TMEM108: variants seen among roughly 807,000 people sequenced by gnomAD.
TMEM108 encodes the protein cancer/testis antigen 124.
A neutral mutation model predicts 35.1 loss-of-function variants in TMEM108; 12 were observed. The ratio of observed to expected loss-of-function variants is 0.34; its 90% CI spans 0.22 to 0.55. The LOEUF (loss-of-function observed/expected upper bound fraction) is 0.55. TMEM108 is among the 20% of genes least tolerant of loss of function. TMEM108 has a pLI of 0.89. For missense variants in TMEM108, 680 were observed against 753.3 expected (o/e 0.90, Z 1.14); for synonymous variants, 287 against 308.6 (o/e 0.93, Z 0.73).
At chr3:133,095,791 A>T (rs1275687950) in intron 2 of TMEM108, among the ~76,000 whole-genome samples, 1 of 152,158 alleles carries the variant, frequency 6.6e-6, no homozygotes, top group Non-Finnish European at 1.5e-5. Context: ...GTACAGATGA[A>T]GTTTTGCTTG....
chr3:133,113,443 T>C (rs1048899020), intron 2 of TMEM108, among the ~76,000 whole-genome samples: 5 of 152,138 alleles, frequency 3.3e-5, no homozygotes, highest in Non-Finnish European at 5.9e-5. Flanking sequence ...TCACCCACCT[T>C]CTCATTTTTT....
At chr3:133,088,572 A>G (rs1479629507) in intron 2 of TMEM108, among the ~76,000 whole-genome samples, 1 of 152,182 alleles carries the variant, frequency 6.6e-6, no homozygotes, top group African/African-American at 2.4e-5. Flanking sequence ...ATTCATTTTT[A>G]TAGATCTGTG....
Position 133,146,061 on chromosome 3 carries a change from C to T in TMEM108, c.-46-83205C>T, listed in dbSNP as rs553143892. 3.3e-5 allele frequency among the ~76,000 whole-genome samples: 5 copies of T among 152,328 alleles called. No individual in the cohort carries two copies. The East Asian group carries it at 9.6e-4, about 29-fold the overall frequency. On this transcript the variant is annotated intron_variant, in intron 2 of 5. Coordinates refer to ENST00000321871, the MANE Select transcript of TMEM108 (RefSeq NM_023943.4). Reference sequence around the variant, plus strand: ...CTTGTGCCGGTTTTCAAAGGGAATGCTTCCAACTTTGGCCCATTCAGTATG... The same window carrying T: ...CTTGTGCCGGTTTTCAAAGGGAATGTTTCCAACTTTGGCCCATTCAGTATG...
At chr3:133,179,753 A>G (rs1400319340) in intron 2 of TMEM108, among the ~76,000 whole-genome samples, 2 of 152,116 alleles carry the variant, frequency 1.3e-5, no homozygotes, top group Non-Finnish European at 2.9e-5. Context: ...ACATGTATAC[A>G]TATGTAACAA....
At chr3:133,176,342 T>G (rs1034837856) in intron 2 of TMEM108, among the ~76,000 whole-genome samples, 2 of 152,066 alleles carry the variant, frequency 1.3e-5, no homozygotes, top group Non-Finnish European at 2.9e-5. Context: ...TCTACAGAAC[T>G]CTCCACCCCA....
rs3832197 is a variant in TMEM108, at chr3:133,376,380, T to TGGTCTCC, written c.41-3366_41-3360dup. 1.1e-4 allele frequency among the ~76,000 whole-genome samples: 16 copies of TGGTCTCC among 152,314 alleles called. No individual in the cohort carries two copies. In the East Asian group the frequency reaches 2.9e-3, roughly 28 times the overall value. On this transcript the variant is annotated intron_variant, in intron 3 of 5. Transcript: ENST00000321871. Reference sequence around the variant, plus strand: ...TGCTTCCAAAAGACTGCTGTGTCCTTGGTCTCCGGTCTTTTATTGTATCTG... The same window carrying TGGTCTCC: ...TGCTTCCAAAAGACTGCTGTGTCCTTGGTCTCCGGTCTCCGGTCTTTTATTGTATCTG...
intron 2 of TMEM108, among the ~76,000 whole-genome samples, chr3:133,093,500 T>C (rs377015728): frequency 6.6e-6 from 1 of 152,316 alleles, no homozygotes; most frequent in Non-Finnish European, 1.5e-5. Context: ...CCATCTTTGT[T>C]ATGTATATGG....
chr3:133,048,463 C>T (rs919576459), intron 2 of TMEM108, among the ~76,000 whole-genome samples: 8 of 152,084 alleles, frequency 5.3e-5, no homozygotes, highest in African/African-American at 1.9e-4. Flanking sequence ...TTTTCTAGTA[C>T]TATGTGTTGG....
At chr3:133,045,851 G>T (rs1943333728) in intron 1 of TMEM108, 51 bp from the exon 2 acceptor site, 2 of 152,586 alleles carry the variant, frequency 1.3e-5, no homozygotes, top group African/African-American at 4.8e-5. Flanking sequence ...AGTGACTTGG[G>T]ACTTGAAGTT....
chr3:133,383,350 GTGAAGTGATTGACCCAAGGTC>G (rs1178081572), intron 4 of TMEM108, among the ~76,000 whole-genome samples: 1 of 152,178 alleles, frequency 6.6e-6, no homozygotes, highest in Non-Finnish European at 1.5e-5. Context: ...GAGTCACCAG[GTGAAGTGATTGACCCAAGGTC>G]CTGACCACAC....
At chr3:133,298,755 G>A (rs906611113) in intron 3 of TMEM108, among the ~76,000 whole-genome samples, 18 of 152,200 alleles carry the variant, frequency 1.2e-4, no homozygotes, top group African/African-American at 3.1e-4. Context: ...AGTTGTGAGT[G>A]ACAGAGATGG....
chr3:133,226,763 A>G (rs1005689407), intron 2 of TMEM108, among the ~76,000 whole-genome samples: 1 of 152,212 alleles, frequency 6.6e-6, no homozygotes, highest in African/African-American at 2.4e-5. Flanking sequence ...AATAAATGAA[A>G]TAAAAAATAC....
At chr3:133,286,799 A>G (rs1006201176) in intron 3 of TMEM108, among the ~76,000 whole-genome samples, 6 of 152,222 alleles carry the variant, frequency 3.9e-5, no homozygotes, top group Admixed American at 6.5e-5. Flanking sequence ...CTGTATATCC[A>G]CTGAACACTG....
At chr3:133,358,253 C>A (rs978651913) in intron 3 of TMEM108, among the ~76,000 whole-genome samples, 4 of 151,924 alleles carry the variant, frequency 2.6e-5, no homozygotes, top group Admixed American at 2.0e-4. Flanking sequence ...CTCACTGCAA[C>A]CTCTGCCTCC....
At chr3:133,109,103 T>C (rs78956313) in intron 2 of TMEM108, among the ~76,000 whole-genome samples, 3,483 of 152,150 alleles carry the variant, frequency 0.023, 53 homozygotes, top group Middle Eastern at 0.037. Flanking sequence ...AGTTCATTGG[T>C]AGAATGATAC....
chr3:133,287,404 G>C (rs542824377), intron 3 of TMEM108, among the ~76,000 whole-genome samples: 1 of 152,140 alleles, frequency 6.6e-6, no homozygotes, highest in African/African-American at 2.4e-5. Context: ...TATATCATGC[G>C]TATCTACTCC....
At chr3:133,092,013 G>C (rs1353951192) in intron 2 of TMEM108, among the ~76,000 whole-genome samples, 1 of 152,192 alleles carries the variant, frequency 6.6e-6, no homozygotes, top group African/African-American at 2.4e-5. Flanking sequence ...AGTCTATAAA[G>C]TATGATGACT....
intron 3 of TMEM108, among the ~76,000 whole-genome samples, chr3:133,259,893 C>T (rs59521399): frequency 2.0e-5 from 3 of 152,144 alleles, no homozygotes; most frequent in Non-Finnish European, 2.9e-5. Flanking sequence ...GCAGAATAGG[C>T]GGATGCCCAC....
intron 3 of TMEM108, chr3:133,247,621 A>G (rs376288402): frequency 4.2e-5 from 6 of 144,514 alleles, no homozygotes; most frequent in African/African-American, 1.5e-4. Flanking sequence ...ATTTATATTC[A>G]CTGTTATTCA....
Sources: gnomAD v4.1 joint callset for allele counts (sites outside exome capture counted in the v4.1 genomes callset) on GRCh38, gnomAD v4.1.1 for gene constraint, MANE v1.5 for transcripts, NCBI Gene and HGNC (gene_info 2026-07-23, HGNC 2026-07-21) for gene names.